The following PTK2 variants were observed in gnomAD, a reference collection of about 807,000 sequenced individuals.
PTK2 encodes focal adhesion kinase 1.
Under a neutral mutation model 150.1 loss-of-function variants are expected in PTK2, and 45 were observed. The ratio of observed to expected loss-of-function variants is 0.30; its 90% CI spans 0.24 to 0.38. The LOEUF is 0.38. Ranked by LOEUF, PTK2 falls within the 10% of genes least tolerant of loss-of-function variation. The probability of loss-of-function intolerance (pLI) is 1.00; values close to 1 mark genes in which losing one functional copy is unlikely to be tolerated. For synonymous variants in PTK2, 432 were observed against 449.2 expected (o/e 0.96, Z 0.48); for missense variants, 919 against 1,307.3 (o/e 0.70, Z 4.58).
rs901005825 is a variant in PTK2 at position 140,874,287 on chromosome 8, C to T, written c.362+5184G>A. Among the ~76,000 whole-genome samples the T allele has an allele frequency of 5.3e-5, 8 of 152,134 alleles. 1 individual carries two copies. In the South Asian group the frequency reaches 1.7e-3, roughly 32 times the overall value. On this transcript the variant is annotated intron_variant, in intron 4 of 31. Transcript: ENST00000522684. ...AACAAGTCTGTATTTCAGGTTTATT[C>T]AACAGTATGAATAGACTCTATAGCA... is the stretch of plus-strand genomic sequence containing the variant.
chr8:140,816,736 G>A (rs758439417), intron 10 of PTK2, among the ~76,000 whole-genome samples: 2 of 152,160 alleles, frequency 1.3e-5, no homozygotes, highest in African/African-American at 2.4e-5. Flanking sequence ...ACATCTAAGT[G>A]AGCAAAAAAG....
At chr8:141,001,505 C>CG (rs2100200252), upstream of PTK2, 1 of 152,368 alleles carries the variant, frequency 6.6e-6, no homozygotes, top group Non-Finnish European at 1.5e-5. Context: ...CGAGGCTGCG[C>CG]GCGGGCGTGG....
chr8:140,959,393 G>T (rs1263285872), intron 1 of PTK2, among the ~76,000 whole-genome samples: 2 of 150,474 alleles, frequency 1.3e-5, no homozygotes, highest in Non-Finnish European at 3.0e-5. Context: ...AAAAAAATTA[G>T]CCACGCATGG....
chr8:140,796,284 C>A (rs995496250), intron 12 of PTK2, among the ~76,000 whole-genome samples: 12 of 152,168 alleles, frequency 7.9e-5, no homozygotes, highest in Non-Finnish European at 1.3e-4. Context: ...AGCCAAACTG[C>A]AAGCCATCAC....
chr8:140,769,972 A>AT (rs1274778300), intron 14 of PTK2, among the ~76,000 whole-genome samples: 3 of 152,234 alleles, frequency 2.0e-5, no homozygotes, highest in African/African-American at 7.2e-5. Context: ...GTCCCCTCAG[A>AT]TAAAAATGCA....
chr8:140,794,910 T>G (rs1349071838), intron 12 of PTK2, among the ~76,000 whole-genome samples: 2 of 152,184 alleles, frequency 1.3e-5, no homozygotes, highest in African/African-American at 2.4e-5. Context: ...TGTCTGAAGG[T>G]TGCTGGGACT....
intron 8 of PTK2, among the ~76,000 whole-genome samples, chr8:140,827,127 A>G (rs1434035179): frequency 6.6e-6 from 1 of 151,622 alleles, no homozygotes; most frequent in Non-Finnish European, 1.5e-5. Flanking sequence ...CATACTGCAC[A>G]CTCTGCACTC....
At chr8:140,666,039 TA>T (rs971492652) in intron 30 of PTK2, among the ~76,000 whole-genome samples, 23 of 152,286 alleles carry the variant, frequency 1.5e-4, no homozygotes, top group African/African-American at 5.5e-4. Context: ...ATAGGTATAC[TA>T]AAAAACAGTT....
intron 2 of PTK2, among the ~76,000 whole-genome samples, chr8:140,923,701 A>C (rs1372948727): frequency 3.3e-5 from 5 of 152,228 alleles, no homozygotes; most frequent in African/African-American, 4.8e-5. Context: ...ACTTATTTAA[A>C]AGTTCTGTGA....
At chr8:140,801,590 T>C (rs2100095058) in intron 11 of PTK2, among the ~76,000 whole-genome samples, 1 of 152,192 alleles carries the variant, frequency 6.6e-6, no homozygotes, top group African/African-American at 2.4e-5. Flanking sequence ...TCTACTTCCT[T>C]GGTTGTGACA....
At chr8:140,786,639 G>A (rs1338826130) in intron 14 of PTK2, among the ~76,000 whole-genome samples, 1 of 152,000 alleles carries the variant, frequency 6.6e-6, no homozygotes, top group Non-Finnish European at 1.5e-5. Context: ...GGGCCGGCAG[G>A]CAAGAAAAGA....
rs201566312 is a variant in PTK2 at position 140,711,978 on chromosome 8, G to A, written c.2142+5620C>T. 7.9e-5 allele frequency among the ~76,000 whole-genome samples: 12 copies of A among 152,128 alleles called. No homozygotes were observed. In the East Asian group the frequency reaches 9.6e-4, roughly 12 times the overall value. On this transcript the variant is annotated intron_variant, in intron 23 of 31. Coordinates refer to ENST00000522684, the Ensembl canonical transcript of PTK2. ...TAAAATCATTTTTTATATAAATGCCGTGCTGGGTTTGATTAGGGTTGAAGA... is the reference window on the plus strand; with the variant it reads ...TAAAATCATTTTTTATATAAATGCCATGCTGGGTTTGATTAGGGTTGAAGA...
At chr8:140,911,884 C>T (rs1464869612) in intron 2 of PTK2, among the ~76,000 whole-genome samples, 1 of 152,096 alleles carries the variant, frequency 6.6e-6, no homozygotes, top group African/African-American at 2.4e-5. Flanking sequence ...ACAGATATCC[C>T]TCATAAACAT....
In PTK2 at chr8:140,694,673, C is replaced by A. The variant is rs1372293566; in HGVS notation, c.2499+6218G>T. On this transcript the variant is annotated intron_variant, in intron 26 of 31. Transcript: ENST00000522684. The stretch of plus-strand genomic sequence containing the variant: ...CAGACCAATAGCTCTGGGCCTAGCT[C>A]ATGCCAAAGGCCAAGACCCAGAAAC... 3.9e-5 allele frequency among the ~76,000 whole-genome samples: 6 copies of A among 152,152 alleles called. No individual in the cohort carries two copies. In the East Asian group the frequency reaches 1.2e-3, roughly 29 times the overall value.
chr8:140,878,700 T>G (rs566509785), intron 4 of PTK2, among the ~76,000 whole-genome samples: 12 of 152,320 alleles, frequency 7.9e-5, no homozygotes, highest in African/African-American at 2.9e-4. Flanking sequence ...AATGCACTCT[T>G]CAGCCTACAA....
At chr8:140,920,815 T>A (rs1364707801) in intron 2 of PTK2, 1 of 1,510,206 alleles carries the variant, frequency 6.6e-7, no homozygotes, top group Non-Finnish European at 8.8e-7. Flanking sequence ...TATTTATACC[T>A]TTAGCCCAAC....
chr8:140,846,451 G>T, intron 6 of PTK2, 129 bp from the exon 7 acceptor site: 1 of 1,162,750 alleles, frequency 8.6e-7, no homozygotes, highest in Non-Finnish European at 1.3e-6. Context: ...AATTACTTTT[G>T]CACCAAACCA....
intron 22 of PTK2, chr8:140,735,017 G>C: frequency 1.8e-6 from 1 of 557,918 alleles, no homozygotes; most frequent in Non-Finnish European, 3.2e-6. Context: ...GAAGCTAGGG[G>C]AGAGAGATTT....
intron 14 of PTK2, among the ~76,000 whole-genome samples, chr8:140,774,737 C>G (rs762689865): frequency 1.3e-5 from 2 of 152,176 alleles, no homozygotes; most frequent in Admixed American, 1.3e-4. Flanking sequence ...CCCACCAAAA[C>G]CAAGATGGTG....
Sources: gnomAD v4.1 joint callset for allele counts (sites outside exome capture counted in the v4.1 genomes callset) on GRCh38, gnomAD v4.1.1 for gene constraint, MANE v1.5 for transcripts, NCBI Gene and HGNC (gene_info 2026-07-23, HGNC 2026-07-21) for gene names.